NEK11: variants seen among roughly 807,000 people sequenced by gnomAD.
NEK11 encodes serine/threonine-protein kinase Nek11.
NEK11 carries 72 observed loss-of-function variants against 80.7 expected under a neutral mutation model. The ratio of observed to expected loss-of-function variants is 0.89; its 90% confidence interval spans 0.74 to 1.08. The LOEUF (loss-of-function observed/expected upper bound fraction) is 1.08. NEK11 is among the 50% of genes least tolerant of loss of function. The pLI is 0.00. For missense variants in NEK11, 764 were observed against 763.6 expected (o/e 1.00, Z -0.01); for synonymous variants, 251 against 260.7 (o/e 0.96, Z 0.36).
intron 5 of NEK11, among the ~76,000 whole-genome samples, chr3:131,115,910 CTT>C (rs961881640): frequency 2.1e-5 from 1 of 46,896 alleles, no homozygotes; most frequent in African/African-American, 9.4e-5. Context: ...TGTTTTCTTT[CTT>C]TCTTTCTTTC....
intron 17 of NEK11, among the ~76,000 whole-genome samples, chr3:131,326,571 G>A (rs1488799458): frequency 1.3e-5 from 2 of 151,994 alleles, no homozygotes; most frequent in Admixed American, 1.3e-4. Context: ...TGACATTCTC[G>A]GTCCCACCCC....
At chr3:131,091,221 C>A (rs2076681510) in intron 4 of NEK11, among the ~76,000 whole-genome samples, 1 of 152,294 alleles carries the variant, frequency 6.6e-6, no homozygotes, top group East Asian at 1.9e-4. Flanking sequence ...TTTCACATAG[C>A]CCTTGCTTAA....
At chr3:131,247,840 T>G (rs750902431) in intron 16 of NEK11, among the ~76,000 whole-genome samples, 4 of 15,704 alleles carry the variant, frequency 2.5e-4, no homozygotes, top group Non-Finnish European at 1.0e-3. Context: ...ATTCCTAGGG[T>G]TTTTTTTTTT....
At chr3:131,037,440 C>A (rs1373098127) in intron 3 of NEK11, among the ~76,000 whole-genome samples, 3 of 152,072 alleles carry the variant, frequency 2.0e-5, no homozygotes, top group Admixed American at 6.6e-5. Context: ...CCCACCACCA[C>A]GCCCAGCTAA....
chr3:131,327,640 T>A (rs563021845), intron 17 of NEK11: 1 of 151,818 alleles, frequency 6.6e-6, no homozygotes, highest in Non-Finnish European at 1.5e-5. Flanking sequence ...TCTCCATTTA[T>A]ACTCTTGCCG....
intron 14 of NEK11, among the ~76,000 whole-genome samples, chr3:131,212,350 T>A (rs2094655272): frequency 6.6e-6 from 1 of 152,162 alleles, no homozygotes; most frequent in Non-Finnish European, 1.5e-5. Context: ...TGATCCTTCC[T>A]CTGGAAGCTT....
intron 3 of NEK11, among the ~76,000 whole-genome samples, chr3:131,040,903 C>T (rs1479581363): frequency 6.6e-6 from 1 of 152,188 alleles, no homozygotes; most frequent in African/African-American, 2.4e-5. Flanking sequence ...GTTTCCACTT[C>T]CCTATTAGTT....
At chr3:131,132,718 G>C in intron 5 of NEK11, 27 bp from the exon 6 acceptor site, 1 of 1,265,380 alleles carries the variant, frequency 7.9e-7, no homozygotes, top group Non-Finnish European at 1.1e-6. Context: ...TCTGCATGAA[G>C]TTGTATATCT....
At chr3:131,233,608 C>T (rs1463308191) in intron 15 of NEK11, among the ~76,000 whole-genome samples, 1 of 152,176 alleles carries the variant, frequency 6.6e-6, no homozygotes, top group Non-Finnish European at 1.5e-5. Context: ...TTTCATGTGA[C>T]TTTTACTGAA....
intron 17 of NEK11, among the ~76,000 whole-genome samples, chr3:131,344,673 C>T (rs570506969): frequency 1.3e-5 from 2 of 152,260 alleles, no homozygotes; most frequent in African/African-American, 4.8e-5. Context: ...AGCATAGCAC[C>T]AACATCTGCT....
chr3:131,092,749 AC>A (rs1471809077), intron 4 of NEK11: 1 of 152,214 alleles, frequency 6.6e-6, no homozygotes, highest in Non-Finnish European at 1.5e-5. Flanking sequence ...CCAAAGAAGA[AC>A]CATTCTACAA....
intron 3 of NEK11, chr3:131,072,175 G>C (rs932279706): frequency 6.6e-6 from 1 of 152,188 alleles, no homozygotes; most frequent in African/African-American, 2.4e-5. Flanking sequence ...ATTCTGGTTT[G>C]ACTAATTCAG....
At chr3:131,260,084 CATA>C (rs2095887205) in intron 16 of NEK11, among the ~76,000 whole-genome samples, 1 of 152,112 alleles carries the variant, frequency 6.6e-6, no homozygotes, top group Non-Finnish European at 1.5e-5. Context: ...CACAGCCCCT[CATA>C]ATAAGTCATG....
intron 14 of NEK11, among the ~76,000 whole-genome samples, chr3:131,219,553 A>T (rs2094951331): frequency 1.5e-5 from 1 of 65,774 alleles, no homozygotes; most frequent in African/African-American, 6.5e-5. Context: ...AACTTAAAGT[A>T]TACAAAAAAA....
At chr3:131,220,592 G>A (rs2094987289) in intron 14 of NEK11, among the ~76,000 whole-genome samples, 1 of 152,098 alleles carries the variant, frequency 6.6e-6, no homozygotes, top group Admixed American at 6.5e-5. Flanking sequence ...TTCTGGCTTG[G>A]TGTAATAAAG....
chr3:131,237,675 A>G (rs542073438), intron 15 of NEK11, among the ~76,000 whole-genome samples: 1 of 151,926 alleles, frequency 6.6e-6, no homozygotes, highest in African/African-American at 2.4e-5. Flanking sequence ...GCCTGGGAGT[A>G]GGGTTAGGAG....
chr3:131,257,522 A>G (rs1030617630), intron 16 of NEK11, among the ~76,000 whole-genome samples: 22 of 152,170 alleles, frequency 1.4e-4, no homozygotes, highest in African/African-American at 5.3e-4. Flanking sequence ...GAATAACTAG[A>G]GATGTGAAAG....
In NEK11 at chr3:131,165,508, G is replaced by A; in HGVS notation, c.1165G>A (p.Asp389Asn). The A allele has an allele frequency of 6.2e-7, 1 of 1,605,642 alleles. No individual in the cohort carries two copies. Among genetic ancestry groups the A allele is most frequent in the Non-Finnish European group, 8.5e-7 (1 of 1,172,670 alleles). Residue 389 changes from aspartate to asparagine, a missense_variant, in exon 12 of 18, where the codon GAT (aspartate) becomes AAT (asparagine). Asp to Asn is a conservative substitution (Grantham distance 23). Transcript: ENST00000383366. ...RSRNFQQLSV[D>N]VLHEKTHLKG... is the part of the protein sequence containing the mutation. The stretch of plus-strand genomic sequence containing the variant: ...TCGGAACTTTCAGCAGCTGAGTGTT[G>A]ATGTACTCCATGTAAGTACCCTCTT...
At chr3:131,221,009 A>G (rs1174668061) in intron 14 of NEK11, among the ~76,000 whole-genome samples, 1 of 152,176 alleles carries the variant, frequency 6.6e-6, no homozygotes, top group African/African-American at 2.4e-5. Flanking sequence ...TAGGAAAAAC[A>G]TCTGTATCTC....
Sources: allele counts gnomAD v4.1 joint callset (sites outside exome capture counted in the v4.1 genomes callset), GRCh38; gene constraint gnomAD v4.1.1; transcripts MANE v1.5; gene names NCBI Gene and HGNC (gene_info 2026-07-23, HGNC 2026-07-21).